Variants in SPOCK1 observed in about 807,000 individuals in gnomAD.
SPOCK1 encodes SPARC (osteonectin), cwcv and kazal like domains proteoglycan 1.
A neutral mutation model predicts 55.3 loss-of-function variants in SPOCK1; 23 were observed. That is an observed-to-expected ratio of 0.42 (90% CI 0.30 to 0.59). The LOEUF (loss-of-function observed/expected upper bound fraction) is 0.59. Among genes scored for constraint, SPOCK1 ranks in the 20% least tolerant of loss-of-function variants. The pLI is 0.22. For missense variants in SPOCK1, 499 were observed against 552.5 expected, an observed-to-expected ratio of 0.90 and a Z score of 0.97; for synonymous variants, 226 against 221.0, an observed-to-expected ratio of 1.02 and a Z score of -0.20.
intron 2 of SPOCK1, among the ~76,000 whole-genome samples, chr5:137,379,237 CTAA>C (rs1243502521): frequency 2.0e-5 from 3 of 147,602 alleles, no homozygotes; most frequent in African/African-American, 7.5e-5. Context: ...CTGCATGGAA[CTAA>C]TAATGTCAGG....
intron 6 of SPOCK1, among the ~76,000 whole-genome samples, chr5:137,028,314 T>C (rs1751715352): frequency 6.6e-6 from 1 of 152,146 alleles, no homozygotes; most frequent in Non-Finnish European, 1.5e-5. Flanking sequence ...CCAGAGGAAA[T>C]GTAATTCATA....
At chr5:137,010,085 A>G (rs1425926505) in intron 6 of SPOCK1, among the ~76,000 whole-genome samples, 1 of 152,016 alleles carries the variant, frequency 6.6e-6, no homozygotes, top group Non-Finnish European at 1.5e-5. Flanking sequence ...CCAGGGCCCT[A>G]TTCATGCAGT....
intron 2 of SPOCK1, among the ~76,000 whole-genome samples, chr5:137,461,121 T>G (rs1463021979): frequency 6.6e-6 from 1 of 152,236 alleles, no homozygotes; most frequent in Non-Finnish European, 1.5e-5. Context: ...CTCTTCCGTC[T>G]TGCTCAAGTC....
rs1751398735 is a variant in SPOCK1, at chr5:137,379,050, C to T, written c.187-111995G>A. Among the ~76,000 whole-genome samples, 3 of 152,200 alleles carry T rather than the reference C, an allele frequency of 2.0e-5. No individual in the cohort carries two copies. The South Asian group carries it at 6.2e-4, about 32-fold the overall frequency. On this transcript the variant is annotated intron_variant, in intron 2 of 10. Coordinates refer to ENST00000394945, the MANE Select transcript of SPOCK1 (RefSeq NM_004598.4). ...TGAGCCTCTTCATCTCCCCTGGGAG[C>T]CCTGCAGTGCAACCCAAGCCACACT...
At chr5:137,176,281 C>G (rs2127061417) in intron 3 of SPOCK1, among the ~76,000 whole-genome samples, 1 of 152,292 alleles carries the variant, frequency 6.6e-6, no homozygotes, top group South Asian at 2.1e-4. Flanking sequence ...CATTTGCCAT[C>G]AAGGTCATCT....
intron 6 of SPOCK1, among the ~76,000 whole-genome samples, chr5:137,042,027 A>G (rs541390824): frequency 6.6e-6 from 1 of 152,338 alleles, no homozygotes; most frequent in East Asian, 1.9e-4. Context: ...TTATTCATAA[A>G]CACCAAAACT....
rs1268025277 is a variant in SPOCK1 at position 137,199,425 on chromosome 5, G to A, written c.233-58731C>T. Among the ~76,000 whole-genome samples, 3 of 152,214 alleles carry A rather than the reference G, an allele frequency of 2.0e-5. No individual in the cohort carries two copies. In the South Asian group the frequency reaches 6.2e-4, roughly 32 times the overall value. On this transcript the variant is annotated intron_variant, in intron 3 of 10. Coordinates refer to ENST00000394945, the MANE Select transcript of SPOCK1 (RefSeq NM_004598.4). ...TGGTTAGAAAAGAGCCTCCTGGGTTGCATGAGTCACAACAGACCTAGTTTT... is the reference window on the plus strand; with the variant it reads ...TGGTTAGAAAAGAGCCTCCTGGGTTACATGAGTCACAACAGACCTAGTTTT...
intron 2 of SPOCK1, among the ~76,000 whole-genome samples, chr5:137,442,519 T>G (rs1753036586): frequency 6.6e-6 from 1 of 152,184 alleles, no homozygotes; most frequent in East Asian, 1.9e-4. Flanking sequence ...AATAAGATAG[T>G]GCGTGTACAA....
intron 5 of SPOCK1, among the ~76,000 whole-genome samples, chr5:137,109,237 G>T (rs567015029): frequency 4.6e-5 from 7 of 152,194 alleles, no homozygotes; most frequent in Non-Finnish European, 1.0e-4. Flanking sequence ...GCACAAACAG[G>T]ATCTTCACAA....
chr5:137,349,240 G>A (rs925282138), intron 2 of SPOCK1, among the ~76,000 whole-genome samples: 1 of 152,208 alleles, frequency 6.6e-6, no homozygotes, highest in African/African-American at 2.4e-5. Context: ...TATAAAAGAT[G>A]TTTGGGGTTT....
intron 3 of SPOCK1, among the ~76,000 whole-genome samples, chr5:137,156,104 G>C (rs914539192): frequency 2.6e-5 from 4 of 152,180 alleles, no homozygotes; most frequent in Non-Finnish European, 4.4e-5. Context: ...GCACCACAAT[G>C]TAAGGGGCCC....
intron 6 of SPOCK1, among the ~76,000 whole-genome samples, chr5:137,015,875 G>A (rs934284162): frequency 6.6e-6 from 1 of 152,120 alleles, no homozygotes; most frequent in Non-Finnish European, 1.5e-5. Flanking sequence ...ATTTTAAAAG[G>A]CTCTAGCACC....
intron 2 of SPOCK1, among the ~76,000 whole-genome samples, chr5:137,330,739 T>C (rs1396044626): frequency 1.3e-5 from 2 of 151,982 alleles, no homozygotes; most frequent in East Asian, 3.9e-4. Flanking sequence ...CAGGAAGGAG[T>C]TGTGTGAATC....
At chr5:137,076,670 C>T (rs1370030605) in intron 5 of SPOCK1, among the ~76,000 whole-genome samples, 1 of 147,528 alleles carries the variant, frequency 6.8e-6, no homozygotes, top group Admixed American at 6.8e-5. Flanking sequence ...CTAGTAAATT[C>T]ATATCTCCTT....
At chr5:137,239,016 T>C (rs1403979082) in intron 3 of SPOCK1, among the ~76,000 whole-genome samples, 1 of 152,188 alleles carries the variant, frequency 6.6e-6, no homozygotes, top group Non-Finnish European at 1.5e-5. Context: ...TAACCCCATA[T>C]GAGTTTATGC....
intron 2 of SPOCK1, among the ~76,000 whole-genome samples, chr5:137,452,039 A>C (rs4976443): frequency 6.6e-6 from 1 of 152,190 alleles, no homozygotes; most frequent in African/African-American, 2.4e-5. Context: ...AAATGCCCCA[A>C]TGAGCATTTC....
chr5:136,991,361 A>G (rs865850309), intron 7 of SPOCK1, among the ~76,000 whole-genome samples: 8 of 152,126 alleles, frequency 5.3e-5, no homozygotes, highest in Admixed American at 1.3e-4. Flanking sequence ...AAAGATCCCA[A>G]CTACTAAAAT....
At chr5:137,326,766 A>G (rs1209172957) in intron 2 of SPOCK1, among the ~76,000 whole-genome samples, 2 of 152,224 alleles carry the variant, frequency 1.3e-5, no homozygotes, top group Non-Finnish European at 2.9e-5. Flanking sequence ...AGGAGATTCA[A>G]CCTTTCACAG....
chr5:137,408,577 G>C (rs1424935481), intron 2 of SPOCK1, among the ~76,000 whole-genome samples: 3 of 152,184 alleles, frequency 2.0e-5, no homozygotes, highest in Non-Finnish European at 2.9e-5. Flanking sequence ...TTGAGAAAAA[G>C]TAAGGGGAAA....
Sources: allele counts gnomAD v4.1 joint callset (sites outside exome capture counted in the v4.1 genomes callset), GRCh38; gene constraint gnomAD v4.1.1; transcripts MANE v1.5; gene names NCBI Gene and HGNC (gene_info 2026-07-23, HGNC 2026-07-21).